METTL22: variants seen among roughly 807,000 people sequenced by gnomAD.
The protein encoded by METTL22 is methyltransferase-like protein 22.
Under a neutral mutation model 48.4 loss-of-function variants are expected in METTL22, and 51 were observed. The observed-to-expected ratio is 1.05, with a 90% CI of 0.84 to 1.33. METTL22 has a LOEUF of 1.33. Among genes scored for constraint, METTL22 ranks in the 40% most tolerant of loss-of-function variants. The probability of loss-of-function intolerance (pLI) is 0.00; values close to 1 mark genes in which losing one functional copy is unlikely to be tolerated. For missense variants in METTL22, 678 were observed against 526.9 expected (o/e 1.29, Z -2.81); for synonymous variants, 255 against 214.1 (o/e 1.19, Z -1.67).
At chr16:8,662,326 A>G in the METTL22 span, among the ~76,000 whole-genome samples, 4 of 145,648 alleles carry the variant, frequency 2.7e-5, no homozygotes, top group Middle Eastern at 3.4e-3. Context: ...AGCTCTTTCC[A>G]TGACCCCTGC....
At position 8,643,059 on chromosome 16, in the gene METTL22, G is replaced by A. The variant is rs761837255; in HGVS notation, c.1010+494G>A. ...TGAAATGTTAGGTTCCATTTATTGA[G>A]TGCCCACCTTGTGATAGCTACACAC... On this transcript the variant is annotated intron_variant, in intron 9 of 10. Coordinates refer to ENST00000381920, the MANE Select transcript of METTL22 (RefSeq NM_024109.4). 12 of 169,550 alleles carry A rather than the reference G, an allele frequency of 7.1e-5. No homozygotes were observed. In the South Asian group the frequency reaches 7.3e-4, roughly 10 times the overall value. 10.5% of individuals were successfully genotyped at this position (169,550 alleles called of 1,614,324 possible).
chr16:8,643,104 C>T (rs982066953), intron 9 of METTL22, among the ~76,000 whole-genome samples: 1 of 152,180 alleles, frequency 6.6e-6, no homozygotes, highest in African/African-American at 2.4e-5. Context: ...TAATACTTAA[C>T]AGTAGTCCAC....
rs373446183 is a variant in METTL22, at chr16:8,625,556, C to G, written c.-110C>G. ...TCTCCCAGGGCGATGCAAAGCTACT[C>G]GCTACCAGCTTGGACCTGTCTGCAG... On this transcript the variant is annotated 5_prime_UTR_variant, in exon 2 of 11. Transcript: ENST00000381920. 1.4e-4 allele frequency: 147 copies of G among 1,032,754 alleles called. 1 individual carries two copies. In the African/African-American group the frequency reaches 2.0e-3, roughly 14 times the overall value. 64.0% of individuals were successfully genotyped at this position (1,032,754 alleles called of 1,614,324 possible).
the METTL22 span, among the ~76,000 whole-genome samples, chr16:8,666,544 G>A: frequency 2.6e-5 from 4 of 152,154 alleles, no homozygotes; most frequent in African/African-American, 4.8e-5. Flanking sequence ...TGCCTGCTAC[G>A]TGCTCTAAGG....
chr16:8,662,834 G>C, the METTL22 span, among the ~76,000 whole-genome samples: 1 of 144,426 alleles, frequency 6.9e-6, no homozygotes, highest in Admixed American at 7.1e-5. Context: ...CACACTACTA[G>C]TACTTACTTC....
chr16:8,654,699 A>T, the METTL22 span, among the ~76,000 whole-genome samples: 28 of 152,300 alleles, frequency 1.8e-4, no homozygotes, highest in African/African-American at 6.3e-4. Context: ...AGGGCAAATC[A>T]TCCCTTGGGT....
intron 5 of METTL22, 139 bp from the exon 6 acceptor site, chr16:8,638,952 T>G: frequency 1.3e-6 from 1 of 758,298 alleles, no homozygotes; most frequent in Non-Finnish European, 2.3e-6. Flanking sequence ...TATTTAATTT[T>G]GGCAGTAAGA....
the METTL22 span, among the ~76,000 whole-genome samples, chr16:8,661,495 T>C: frequency 7.3e-6 from 1 of 137,730 alleles, no homozygotes; most frequent in Admixed American, 7.5e-5. Flanking sequence ...AAACACAAAA[T>C]ATTAGCCGGG....
At position 8,629,649 on chromosome 16, in the gene METTL22, G is replaced by T. The variant is rs1484594204; in HGVS notation, c.514+539G>T. On this transcript the variant is annotated intron_variant, in intron 3 of 10. Transcript: ENST00000381920. ...AAGCCAGGTAAGAAAGGGGAGTGATGAAGTGGCGGGAAAAGTGGGACAGGA... is the reference window on the plus strand; with the variant it reads ...AAGCCAGGTAAGAAAGGGGAGTGATTAAGTGGCGGGAAAAGTGGGACAGGA... Among the ~76,000 whole-genome samples the T allele has an allele frequency of 2.0e-5, 3 of 152,172 alleles. No homozygotes were observed. In the East Asian group the frequency reaches 5.8e-4, roughly 29 times the overall value.
At chr16:8,664,191 G>C in the METTL22 span, among the ~76,000 whole-genome samples, 1 of 151,674 alleles carries the variant, frequency 6.6e-6, no homozygotes, top group Non-Finnish European at 1.5e-5. Context: ...GGACTCAAGC[G>C]ATTCTCCTGC....
the METTL22 span, among the ~76,000 whole-genome samples, chr16:8,654,854 G>A: frequency 6.6e-6 from 1 of 152,190 alleles, no homozygotes; most frequent in South Asian, 2.1e-4. Context: ...CCAGGGGAGT[G>A]TGGCCGTGAT....
intron 6 of METTL22, among the ~76,000 whole-genome samples, chr16:8,640,891 T>TGGTTGGGTGGGG (rs2056583897): frequency 2.0e-5 from 1 of 49,946 alleles, no homozygotes; most frequent in Non-Finnish European, 4.0e-5. Context: ...GGTGGGTGGG[T>TGGTTGGGTGGGG]GAATGGATGG....
At chr16:8,660,349 T>G in the METTL22 span, among the ~76,000 whole-genome samples, 1 of 150,544 alleles carries the variant, frequency 6.6e-6, no homozygotes, top group Non-Finnish European at 1.5e-5. Flanking sequence ...AATTTTTGTA[T>G]TTTTTTTTAG....
chr16:8,657,318 A>C, the METTL22 span, among the ~76,000 whole-genome samples: 1 of 152,246 alleles, frequency 6.6e-6, no homozygotes, highest in African/African-American at 2.4e-5. Context: ...CATGAAGGAT[A>C]TTATTCTCGG....
At chr16:8,629,898 C>A (rs1416424012) in intron 3 of METTL22, among the ~76,000 whole-genome samples, 3 of 152,142 alleles carry the variant, frequency 2.0e-5, no homozygotes, top group Non-Finnish European at 4.4e-5. Flanking sequence ...CTAGTCTGCA[C>A]AACCCCTCCT....
At chr16:8,662,711 G>A in the METTL22 span, among the ~76,000 whole-genome samples, 2 of 143,662 alleles carry the variant, frequency 1.4e-5, no homozygotes, top group Non-Finnish European at 3.0e-5. Flanking sequence ...TCCACTGGAG[G>A]TTCCTCAGAG....
intron 10 of METTL22, chr16:8,644,998 C>T (rs1413533313): frequency 7.3e-6 from 2 of 274,598 alleles, no homozygotes; most frequent in Non-Finnish European, 1.4e-5. Flanking sequence ...GTTCAGACTC[C>T]AGAGGAGGCA....
In METTL22 at chr16:8,649,074, G is replaced by A. The variant is rs1381269272; in HGVS notation, c.*2931G>A. ...AACTGGCAGTACGTCAGCACTAATGGTGACAATTTCCTAGCACTCCTGGGT... is the reference window on the plus strand; with the variant it reads ...AACTGGCAGTACGTCAGCACTAATGATGACAATTTCCTAGCACTCCTGGGT... On this transcript the variant is annotated 3_prime_UTR_variant, in exon 11 of 11. Coordinates refer to ENST00000381920, the MANE Select transcript of METTL22 (RefSeq NM_024109.4). 2.0e-5 allele frequency: 3 copies of A among 152,182 alleles called. No individual in the cohort carries two copies. Among genetic ancestry groups the A allele is most frequent in the African/African-American group, 7.2e-5 (3 of 41,440 alleles). The allele number at this position is 152,182 out of a possible 1,614,324, so 9.4% of individuals were successfully genotyped here.
intron 2 of METTL22, 100 bp downstream of exon 2, chr16:8,625,898 A>T: frequency 7.0e-7 from 1 of 1,433,214 alleles, no homozygotes; most frequent in South Asian, 1.2e-5. Flanking sequence ...GGATTACGTA[A>T]CTGTTATCCT....
Sources: allele counts gnomAD v4.1 joint callset (sites outside exome capture counted in the v4.1 genomes callset), GRCh38; gene constraint gnomAD v4.1.1; transcripts MANE v1.5; gene names NCBI Gene and HGNC (gene_info 2026-07-23, HGNC 2026-07-21).